Variants in MAP3K7 observed in about 807,000 individuals in gnomAD.
The protein encoded by MAP3K7 is TGF-beta activated kinase 1.
A neutral mutation model predicts 84.8 loss-of-function variants in MAP3K7; 21 were observed. The ratio of observed to expected loss-of-function variants is 0.25; its 90% CI spans 0.18 to 0.36. The LOEUF (loss-of-function observed/expected upper bound fraction) is 0.36. MAP3K7 is among the 10% of genes least tolerant of loss of function. MAP3K7 has a pLI of 1.00. For missense variants in MAP3K7, 503 were observed against 747.7 expected (o/e 0.67, Z 3.82); for synonymous variants, 241 against 247.7 (o/e 0.97, Z 0.25).
At chr6:90,582,774 C>A (rs1339532864) in intron 1 of MAP3K7, among the ~76,000 whole-genome samples, 3 of 151,596 alleles carry the variant, frequency 2.0e-5, no homozygotes, top group Admixed American at 2.0e-4. Flanking sequence ...ACACTATATT[C>A]AGTTTTAAAT....
chr6:90,552,169 T>C lies in MAP3K7; in HGVS notation c.747A>G (p.Pro249=), dbSNP rs1228615753. Residue 249 remains proline (P), a synonymous_variant, in exon 8 of 17, where the codon CCA becomes CCG. Transcript: ENST00000369329. ...GCTTAGGTAAATTTTTTATCAGTGG[T>C]GGTCGAGTACCTACAATTGAAAATG... ...IMWAVHNGTR[P]PLIKNLPKPI... 3 of 1,609,522 alleles carry C rather than the reference T, an allele frequency of 1.9e-6. No homozygotes were observed. The highest frequency in any genetic ancestry group is 2.7e-5 in the African/African-American group (2 of 74,846).
chr6:90,537,961 A>G (rs1775732346), intron 12 of MAP3K7, among the ~76,000 whole-genome samples: 1 of 151,996 alleles, frequency 6.6e-6, no homozygotes, highest in Admixed American at 6.6e-5. Flanking sequence ...TCTATAAACC[A>G]TTACATCACC....
chr6:90,516,203 C>T lies in MAP3K7; in HGVS notation c.*298G>A. 2.5e-6 allele frequency: 1 copy of T among 402,618 alleles called. No individual in the cohort carries two copies. The highest frequency in any genetic ancestry group is 4.5e-6 in the Non-Finnish European group (1 of 224,092). The allele number at this position is 402,618 out of a possible 1,614,324, so 24.9% of individuals were successfully genotyped here. ...GTTTGATACCTCCTGTTCTGTTAGG[C>T]TAGCCTTCACACAATGAGCATGCAT... On this transcript the variant is annotated 3_prime_UTR_variant, in exon 17 of 17. Coordinates refer to ENST00000369329, the MANE Select transcript of MAP3K7 (RefSeq NM_145331.3).
chr6:90,523,777 T>C lies in MAP3K7; in HGVS notation c.1363A>G (p.Ser455Gly). 1.3e-6 allele frequency: 2 copies of C among 1,585,200 alleles called. No homozygotes were observed. Among genetic ancestry groups the C allele is most frequent in the South Asian group, 2.2e-5 (2 of 90,464 alleles). The change falls in exon 14 of 17, where the codon AGT becomes GGT. Residue 455 changes from serine (S) to glycine (G), a missense_variant. Physicochemically the swap from Ser to Gly is moderately conservative, Grantham distance 56. Around this residue, in one of 5 missense-constraint regions of MAP3K7, gnomAD observed 286 missense variants for 313.6 expected, o/e 0.91. Transcript: ENST00000369329. ...VTGTEPGQVS[S>G]RSSSPSVRMI... ...CTGACACTGGGACTGGATGACCTAC[T>C]GCTCACCTACAGGAAGAAGTCACAG...
intron 12 of MAP3K7, among the ~76,000 whole-genome samples, chr6:90,540,185 T>C (rs906780745): frequency 2.0e-5 from 3 of 151,898 alleles, no homozygotes; most frequent in African/African-American, 4.8e-5. Context: ...CTTTTGCATA[T>C]CCTTAAGAAC....
intron 3 of MAP3K7, among the ~76,000 whole-genome samples, chr6:90,565,094 C>A: frequency 6.6e-6 from 1 of 152,050 alleles, no homozygotes; most frequent in Non-Finnish European, 1.5e-5. Flanking sequence ...TAAATGCCCA[C>A]AAGAGAAAGC....
Position 90,565,248 on chromosome 6 carries a change from C to CAA in MAP3K7, c.297+3308_297+3309dup, listed in dbSNP as rs200067328. Among the ~76,000 whole-genome samples the CAA allele has an allele frequency of 4.7e-5, 7 of 147,444 alleles. No homozygotes were observed. The East Asian group carries it at 1.2e-3, about 25-fold the overall frequency. ...GGAGACAGAGACACAACAAACCCTT[C>CAA]AAAAAAAAAATCAATGAATCCAGGA... On this transcript the variant is annotated intron_variant, in intron 3 of 16. Transcript: ENST00000369329.
chr6:90,526,009 T>C (rs711267), intron 13 of MAP3K7, among the ~76,000 whole-genome samples: 36,348 of 152,004 alleles, frequency 0.24, 4,640 homozygotes, highest in Non-Finnish European at 0.29. Flanking sequence ...ATATTGCACT[T>C]GGCTAATTTT....
In MAP3K7 at chr6:90,560,208, T is replaced by C; in HGVS notation, c.350A>G (p.His117Arg). The C allele has an allele frequency of 6.2e-7, 1 of 1,614,020 alleles. No individual in the cohort carries two copies. The highest frequency in any genetic ancestry group is 1.3e-5 in the African/African-American group (1 of 75,052). Residue 117 changes from histidine to arginine, a missense_variant, in exon 5 of 17, where the codon CAT becomes CGT. By Grantham distance (29) the His-to-Arg change is conservative. Around this residue, in one of 5 missense-constraint regions of MAP3K7, gnomAD observed 97 missense variants for 270.8 expected, o/e 0.36. Coordinates refer to ENST00000369329, the MANE Select transcript of MAP3K7 (RefSeq NM_145331.3). ...ATAATATGGCAATGGTTCAGCACCA[T>C]GCAGCACTGCGAAAGAAAGGCACAA... ...AEGGSLYNVL[H>R]GAEPLPYYTA... is the part of the protein sequence containing the mutation.
intron 1 of MAP3K7, among the ~76,000 whole-genome samples, chr6:90,579,785 G>C (rs1244870270): frequency 6.6e-6 from 1 of 152,156 alleles, no homozygotes; most frequent in Non-Finnish European, 1.5e-5. Flanking sequence ...ATCTCCCATT[G>C]TTTAAAAATA....
intron 1 of MAP3K7, 27 bp downstream of exon 1, chr6:90,586,737 G>C: frequency 1.3e-6 from 2 of 1,558,016 alleles, no homozygotes; most frequent in Non-Finnish European, 8.7e-7. Flanking sequence ...GGCCGGGACC[G>C]GCGTCTCCAT....
At position 90,586,866 on chromosome 6, in the gene MAP3K7, G is replaced by A. The variant is rs1582257276; in HGVS notation, c.18C>T (p.Ala6=). Residue 6 remains alanine, a synonymous_variant, in exon 1 of 17, where the codon GCC becomes GCT. Transcript: ENST00000369329. The part of the protein sequence containing the change: MSTAS[A]ASSSSSSSAG... ...CCGAAGACGAGGAGGAGGAGGAGGCGGCAGAGGCTGTAGACATGATCCCTC... is the reference window on the plus strand; with the variant it reads ...CCGAAGACGAGGAGGAGGAGGAGGCAGCAGAGGCTGTAGACATGATCCCTC... The A allele has an allele frequency of 6.2e-7, 1 of 1,610,688 alleles. No homozygotes were observed. Among genetic ancestry groups the A allele is most frequent in the Middle Eastern group, 1.7e-4 (1 of 5,914 alleles).
At chr6:90,554,147 T>C (rs1313696349) in intron 6 of MAP3K7, among the ~76,000 whole-genome samples, 1 of 152,192 alleles carries the variant, frequency 6.6e-6, no homozygotes, top group African/African-American at 2.4e-5. Flanking sequence ...GCTCAACTGA[T>C]CCTCCTGCTC....
intron 3 of MAP3K7, among the ~76,000 whole-genome samples, chr6:90,565,417 A>C (rs558854785): frequency 1.1e-4 from 17 of 152,372 alleles, no homozygotes; most frequent in Non-Finnish European, 2.5e-4. Context: ...AACTACCATC[A>C]GAGAATACTA....
intron 13 of MAP3K7, among the ~76,000 whole-genome samples, chr6:90,526,499 A>G (rs1202329972): frequency 6.6e-6 from 1 of 152,174 alleles, no homozygotes; most frequent in East Asian, 1.9e-4. Flanking sequence ...ATTAGAAAGT[A>G]CTTGAACTGA....
intron 1 of MAP3K7, among the ~76,000 whole-genome samples, chr6:90,575,654 T>C (rs1414084220): frequency 6.6e-6 from 1 of 151,912 alleles, no homozygotes; most frequent in East Asian, 1.9e-4. Context: ...GGGACCTACA[T>C]TAGAGGTCTG....
At chr6:90,573,223 T>C (rs1776962647) in intron 1 of MAP3K7, among the ~76,000 whole-genome samples, 1 of 152,234 alleles carries the variant, frequency 6.6e-6, no homozygotes, top group African/African-American at 2.4e-5. Flanking sequence ...TTACCAGTCC[T>C]AATTTGTAAC....
intron 14 of MAP3K7, among the ~76,000 whole-genome samples, chr6:90,521,867 A>T (rs1468373270): frequency 6.6e-6 from 1 of 152,110 alleles, no homozygotes; most frequent in Non-Finnish European, 1.5e-5. Context: ...TATGCTCTTT[A>T]GCTTTCTCTG....
chr6:90,541,849 T>C (rs1582187440), intron 12 of MAP3K7, among the ~76,000 whole-genome samples: 1 of 152,010 alleles, frequency 6.6e-6, no homozygotes, highest in Non-Finnish European at 1.5e-5. Context: ...ACTTTAAAGA[T>C]ATATATACAA....
Sources: gnomAD v4.1 joint callset for allele counts (sites outside exome capture counted in the v4.1 genomes callset) on GRCh38, gnomAD v4.1.1 for gene constraint, gnomAD v4.1.1 regional missense constraint, MANE v1.5 for transcripts, NCBI Gene and HGNC (gene_info 2026-07-23, HGNC 2026-07-21) for gene names.